Variants in MS4A4A observed in about 807,000 individuals in gnomAD.
The protein encoded by MS4A4A is membrane spanning 4-domains A4A.
A neutral mutation model predicts 28.0 loss-of-function variants in MS4A4A; 26 were observed. The ratio of observed to expected loss-of-function variants is 0.93; its 90% CI spans 0.68 to 1.29. MS4A4A has a LOEUF of 1.29. Ranked by LOEUF, MS4A4A falls within the 50% of genes most tolerant of loss-of-function variation. MS4A4A has a pLI of 0.00. For missense variants in MS4A4A, 290 were observed against 293.1 expected (o/e 0.99, Z 0.08); for synonymous variants, 86 against 100.8 (o/e 0.85, Z 0.88).
intron 2 of MS4A4A, among the ~76,000 whole-genome samples, chr11:60,296,597 C>A (rs895496072): frequency 6.6e-6 from 1 of 152,028 alleles, no homozygotes; most frequent in Admixed American, 6.6e-5. Flanking sequence ...CTAATATATT[C>A]ATTCAATGCT....
At chr11:60,296,791 T>C (rs1239495551) in intron 2 of MS4A4A, 2 of 219,970 alleles carry the variant, frequency 9.1e-6, no homozygotes, top group Admixed American at 1.1e-4. Flanking sequence ...TATTTGCTTT[T>C]CTTGTTTTCT....
intron 3 of MS4A4A, among the ~76,000 whole-genome samples, chr11:60,297,886 A>G (rs1047588835): frequency 5.9e-5 from 9 of 152,216 alleles, no homozygotes; most frequent in African/African-American, 1.9e-4. Context: ...TGGTTTAGTT[A>G]GCAAGGAAGA....
intron 2 of MS4A4A, among the ~76,000 whole-genome samples, chr11:60,296,527 A>C (rs897203660): frequency 6.6e-6 from 1 of 151,894 alleles, no homozygotes; most frequent in East Asian, 1.9e-4. Context: ...TTTAATTTGC[A>C]CTTCTTTTTC....
Position 60,301,031 on chromosome 11 carries a change from G to T in MS4A4A, c.361G>T (p.Ala121Ser). ...TATTTCAGGATCCTTGTCAATTGCA[G>T]CAGGAATTAGAACTACAAAAGGCCT... is the stretch of plus-strand genomic sequence containing the variant. Reference protein sequence around the residue: ...FIISGSLSIAAGIRTTKGLVR... With the variant: ...FIISGSLSIASGIRTTKGLVR... The change falls in exon 4 of 7, where the codon GCA becomes TCA. Residue 121 changes from alanine (A) to serine (S), a missense_variant. By Grantham distance (99) the Ala-to-Ser change is moderately conservative. Transcript: ENST00000337908. The T allele has an allele frequency of 6.2e-7, 1 of 1,601,298 alleles. No homozygotes were observed.
chr11:60,289,201 G>A (rs2084829559), intron 1 of MS4A4A, among the ~76,000 whole-genome samples: 1 of 152,188 alleles, frequency 6.6e-6, no homozygotes, highest in Non-Finnish European at 1.5e-5. Context: ...GGCCATGGAG[G>A]CCAGGGCATA....
At position 60,290,296 on chromosome 11, in the gene MS4A4A, C is replaced by A. The variant is rs76535009; in HGVS notation, c.42-1929C>A. 8.0e-3 allele frequency: 1,344 copies of A among 169,030 alleles called. 25 individuals carry two copies. The highest frequency in any genetic ancestry group is 0.03 in the African/African-American group (1,270 of 42,262). The allele number at this position is 169,030 out of a possible 1,614,324, so 10.5% of individuals were successfully genotyped here. A position where few individuals can be genotyped will look rare whatever the true frequency, so the allele number is the denominator to read the frequency against. ...GCCTCTCATCCTTGATAAGTATACT[C>A]TGAAATCTGTGGCCATGGTGTCCTG... On this transcript the variant is annotated intron_variant, in intron 1 of 6. Transcript: ENST00000337908.
intron 1 of MS4A4A, among the ~76,000 whole-genome samples, chr11:60,285,854 T>C (rs1326427247): frequency 3.9e-5 from 6 of 152,196 alleles, no homozygotes; most frequent in Admixed American, 1.3e-4. Flanking sequence ...CACATTGTCA[T>C]TGATAAACAT....
At chr11:60,288,271 A>C (rs1294980938) in intron 1 of MS4A4A, among the ~76,000 whole-genome samples, 1 of 152,200 alleles carries the variant, frequency 6.6e-6, no homozygotes. Context: ...TAGAGTTAAC[A>C]CCACATGGTT....
intron 6 of MS4A4A, among the ~76,000 whole-genome samples, chr11:60,306,921 T>C (rs2085008088): frequency 6.6e-6 from 1 of 152,206 alleles, no homozygotes; most frequent in East Asian, 1.9e-4. Flanking sequence ...ACCTGCCCAC[T>C]CTTTTACCCT....
chr11:60,304,462 T>C (rs2084980096), intron 5 of MS4A4A, among the ~76,000 whole-genome samples: 1 of 152,220 alleles, frequency 6.6e-6, no homozygotes, highest in Non-Finnish European at 1.5e-5. Flanking sequence ...CCATGATGAA[T>C]TCCTGTTAAT....
At position 60,293,385 on chromosome 11, in the gene MS4A4A, G is replaced by A. The variant is rs1565145460; in HGVS notation, c.201+1001G>A. On this transcript the variant is annotated intron_variant, in intron 2 of 6. Coordinates refer to ENST00000337908, the MANE Select transcript of MS4A4A (RefSeq NM_148975.3). ...TACTGTATGTTTTAGAGCAGTTTTA[G>A]GCTTAAAGAAAAATTGAGAGCAAAG... Among the ~76,000 whole-genome samples the A allele has an allele frequency of 3.3e-5, 5 of 152,224 alleles. No individual in the cohort carries two copies. In the East Asian group the frequency reaches 9.6e-4, roughly 29 times the overall value.
At chr11:60,305,576 C>T (rs761942691) in intron 5 of MS4A4A, among the ~76,000 whole-genome samples, 1 of 152,182 alleles carries the variant, frequency 6.6e-6, no homozygotes, top group African/African-American at 2.4e-5. Context: ...TATTTTGAAC[C>T]CACCTGAATA....
intron 6 of MS4A4A, among the ~76,000 whole-genome samples, chr11:60,307,491 T>C (rs2085014162): frequency 6.6e-6 from 1 of 152,218 alleles, no homozygotes; most frequent in African/African-American, 2.4e-5. Context: ...GTAAGTTTCA[T>C]GTCATAATAT....
At chr11:60,285,826 T>G (rs1025939574) in intron 1 of MS4A4A, among the ~76,000 whole-genome samples, 2 of 152,170 alleles carry the variant, frequency 1.3e-5, no homozygotes, top group African/African-American at 4.8e-5. Flanking sequence ...CTAATGAGGT[T>G]CCATGTCCTG....
chr11:60,304,222 A>AT (rs1254416785), intron 5 of MS4A4A, among the ~76,000 whole-genome samples: 1 of 152,188 alleles, frequency 6.6e-6, no homozygotes, highest in African/African-American at 2.4e-5. Context: ...TCATTGGTAG[A>AT]TTTTAAGGGC....
chr11:60,303,829 C>G (rs1181618337), intron 5 of MS4A4A, among the ~76,000 whole-genome samples: 2 of 152,200 alleles, frequency 1.3e-5, no homozygotes, highest in East Asian at 3.8e-4. Context: ...ACGTTCTTCG[C>G]TTATGTAAAC....
At chr11:60,296,655 A>T (rs982079623) in intron 2 of MS4A4A, among the ~76,000 whole-genome samples, 1 of 152,072 alleles carries the variant, frequency 6.6e-6, no homozygotes, top group Non-Finnish European at 1.5e-5. Context: ...ATAAATTTTG[A>T]TAAGTTGTTG....
intron 1 of MS4A4A, among the ~76,000 whole-genome samples, chr11:60,288,256 G>T (rs996469107): frequency 6.6e-6 from 1 of 152,230 alleles, no homozygotes; most frequent in African/African-American, 2.4e-5. Context: ...CAGTCTGTGA[G>T]CCTATAGAGT....
chr11:60,302,484 T>C, intron 4 of MS4A4A, 75 bp from the exon 5 acceptor site: 8 of 1,378,676 alleles, frequency 5.8e-6, no homozygotes, highest in Non-Finnish European at 8.0e-6. Context: ...AAAGAGATGG[T>C]GGGTGTAAAG....
Sources: allele counts gnomAD v4.1 joint callset (sites outside exome capture counted in the v4.1 genomes callset), GRCh38; gene constraint gnomAD v4.1.1; transcripts MANE v1.5; gene names NCBI Gene and HGNC (gene_info 2026-07-23, HGNC 2026-07-21).